The following HNRNPUL1 variants were observed in gnomAD, a reference collection of about 807,000 sequenced individuals.
HNRNPUL1 encodes heterogeneous nuclear ribonucleoprotein U-like protein 1.
In HNRNPUL1, 14 loss-of-function variants were observed where a neutral mutation model predicts 108.5. That is an observed-to-expected ratio of 0.13 (90% confidence interval 0.09 to 0.20). The LOEUF is 0.20. HNRNPUL1 is among the 10% of genes least tolerant of loss of function. HNRNPUL1 has a pLI of 1.00. For missense variants in HNRNPUL1, 804 were observed against 1,168.3 expected, an observed-to-expected ratio of 0.69 and a Z score of 4.55; for synonymous variants, 422 against 445.2, an observed-to-expected ratio of 0.95 and a Z score of 0.66.
chr19:41,271,649 TC>T (rs1046996090), intron 2 of HNRNPUL1, among the ~76,000 whole-genome samples: 3 of 152,256 alleles, frequency 2.0e-5, no homozygotes, highest in African/African-American at 7.2e-5. Context: ...ATCCTGACTT[TC>T]TGTTAATGGT....
chr19:41,265,292 G>A (rs2034757368), intron 1 of HNRNPUL1: 1 of 1,522,712 alleles, frequency 6.6e-7, no homozygotes, highest in African/African-American at 1.4e-5. Context: ...TCTGAGGAAG[G>A]AGGATCCTGG....
rs971994634 is a variant in HNRNPUL1 at position 41,292,935 on chromosome 19, T to G, written c.1266+424T>G. ...TCACGGCTTACTGCAGCCTTGACCTTCCAGGCTCAAGTGATCCTCCCACCT... is the reference window on the plus strand; with the variant it reads ...TCACGGCTTACTGCAGCCTTGACCTGCCAGGCTCAAGTGATCCTCCCACCT... On this transcript the variant is annotated intron_variant, in intron 8 of 14. Transcript: ENST00000392006. This position sits in a 1 kb window ranked among gnomAD's most constrained non-coding sequence, Gnocchi z 4.1. Among the ~76,000 whole-genome samples the G allele has an allele frequency of 9.9e-5, 15 of 152,094 alleles. No individual in the cohort carries two copies. The highest frequency in any genetic ancestry group is 3.6e-4 in the African/African-American group (15 of 41,490).
At chr19:41,263,650 T>A (rs1317952389), upstream of HNRNPUL1, among the ~76,000 whole-genome samples, 4 of 152,250 alleles carry the variant, frequency 2.6e-5, no homozygotes, top group African/African-American at 9.6e-5. Flanking sequence ...CCTTCCAGAT[T>A]ACGAACTGTG....
intron 4 of HNRNPUL1, 79 bp downstream of exon 4, chr19:41,274,134 C>A: frequency 7.0e-6 from 8 of 1,140,068 alleles, no homozygotes; most frequent in Non-Finnish European, 6.7e-6. Flanking sequence ...CACCAGAATC[C>A]CTGCTGGGCA....
In HNRNPUL1 at chr19:41,276,136, A is replaced by G. The variant is rs777092056; in HGVS notation, c.647-23A>G. On this transcript the variant is annotated intron_variant, in intron 4 of 14. Coordinates refer to ENST00000392006, the MANE Select transcript of HNRNPUL1 (RefSeq NM_007040.6). ...CAAAACAAAATAAAAACATCAGCCA[A>G]CTGTGGGCATTTTCCTTCACAGATA... 1.1e-4 allele frequency: 170 copies of G among 1,613,756 alleles called. 1 individual carries two copies. The Middle Eastern group carries it at 2.1e-3, about 20-fold the overall frequency.
chr19:41,271,780 C>T (rs919466734), intron 2 of HNRNPUL1, among the ~76,000 whole-genome samples: 2 of 152,202 alleles, frequency 1.3e-5, no homozygotes, highest in South Asian at 4.1e-4. Flanking sequence ...CTGTTGAATT[C>T]ATCCTCTCCC....
rs780709153 is a variant in HNRNPUL1, at chr19:41,281,274, C to T, written c.998C>T (p.Ala333Val). The T allele has an allele frequency of 8.7e-6, 14 of 1,604,752 alleles. No homozygotes were observed. Among genetic ancestry groups the T allele is most frequent in the East Asian group, 6.7e-5 (3 of 44,822 alleles). Residue 333 changes from alanine (A) to valine (V), a missense_variant and splice_region_variant, in exon 7 of 15, where the codon GCG becomes GTG. By Grantham distance (64) the Ala-to-Val change is moderately conservative. Around this residue, in one of 4 missense-constraint regions of HNRNPUL1, gnomAD observed 174 missense variants for 296.6 expected, o/e 0.59. Transcript: ENST00000392006. The stretch of plus-strand genomic sequence containing the variant: ...GAGAACGATGTGATTGGCTGCTTTG[C>T]GGTGAGTGCTAGCAGCCTGTGGGAG... ...FAENDVIGCF[A>V]DFECGNDVEL...
At position 41,292,596 on chromosome 19, in the gene HNRNPUL1, C is replaced by A; in HGVS notation, c.1266+85C>A. 2.6e-6 allele frequency: 4 copies of A among 1,510,888 alleles called. No homozygotes were observed. Among genetic ancestry groups the A allele is most frequent in the Non-Finnish European group, 3.6e-6 (4 of 1,099,378 alleles). The allele number at this position is 1,510,888 out of a possible 1,614,324, so 93.6% of individuals were successfully genotyped here. On this transcript the variant is annotated intron_variant, in intron 8 of 14. Coordinates refer to ENST00000392006, the MANE Select transcript of HNRNPUL1 (RefSeq NM_007040.6). This position sits in a 1 kb window ranked among gnomAD's most constrained non-coding sequence, Gnocchi z 4.1. ...CACACACACACACACAGACTTGCTGCGAGAGTAGCCTTGGGGCAAGTGGCC... is the reference window on the plus strand; with the variant it reads ...CACACACACACACACAGACTTGCTGAGAGAGTAGCCTTGGGGCAAGTGGCC...
chr19:41,294,502 A>G lies in HNRNPUL1; in HGVS notation c.1389+42A>G. The stretch of plus-strand genomic sequence containing the variant: ...GACTCTCCTTACTCACCTCCAACCT[A>G]CTGAGTGCTGCCCTGCAACTAAAAT... On this transcript the variant is annotated intron_variant, in intron 9 of 14. Transcript: ENST00000392006. The surrounding 1 kb of genome is among the most constrained non-coding windows in gnomAD (Gnocchi z 4.3). 6.2e-7 allele frequency: 1 copy of G among 1,613,868 alleles called. No homozygotes were observed. The highest frequency in any genetic ancestry group is 8.5e-7 in the Non-Finnish European group (1 of 1,179,856).
In HNRNPUL1 at chr19:41,294,185, C is replaced by T. The variant is rs2036753499; in HGVS notation, c.1267-153C>T. Among the ~76,000 whole-genome samples the T allele has an allele frequency of 6.6e-6, 1 of 152,052 alleles. No homozygotes were observed. The highest frequency in any genetic ancestry group is 2.1e-4 in the South Asian group (1 of 4,820). On this transcript the variant is annotated intron_variant, in intron 8 of 14. Coordinates refer to ENST00000392006, the MANE Select transcript of HNRNPUL1 (RefSeq NM_007040.6). This position sits in a 1 kb window ranked among gnomAD's most constrained non-coding sequence, Gnocchi z 4.3. Reference sequence around the variant, plus strand: ...CTGACAAGCCTGATCTTTTTGAATCCCGATACCAGTACTGTGAGGTAGATG... The same window carrying T: ...CTGACAAGCCTGATCTTTTTGAATCTCGATACCAGTACTGTGAGGTAGATG...
chr19:41,305,932 TC>T, intron 14 of HNRNPUL1, 65 bp downstream of exon 14: 1 of 1,138,850 alleles, frequency 8.8e-7, no homozygotes, highest in Non-Finnish European at 1.3e-6. Context: ...GGGTGTGTAT[TC>T]CCAGACTTAA....
chr19:41,302,386 T>A, intron 11 of HNRNPUL1: 2 of 422,448 alleles, frequency 4.7e-6, no homozygotes, highest in Non-Finnish European at 4.5e-6. Flanking sequence ...GCCTGGCTAA[T>A]TTTTGTATTT....
At chr19:41,300,626 A>C (rs930697388) in intron 10 of HNRNPUL1, among the ~76,000 whole-genome samples, 2 of 152,172 alleles carry the variant, frequency 1.3e-5, no homozygotes, top group African/African-American at 4.8e-5. Context: ...AATCCAACAG[A>C]GGTAGGCCCC....
intron 5 of HNRNPUL1, 27 bp from the exon 6 acceptor site, chr19:41,279,050 C>G (rs763884615): frequency 6.4e-7 from 1 of 1,569,304 alleles, no homozygotes; most frequent in African/African-American, 1.4e-5. Context: ...AGAAGCAACC[C>G]TGAGCCCTTT....
chr19:41,263,395 G>C (rs2034615684), upstream of HNRNPUL1, among the ~76,000 whole-genome samples: 1 of 152,196 alleles, frequency 6.6e-6, no homozygotes, highest in Non-Finnish European at 1.5e-5. Context: ...GCCGATTAGA[G>C]GATTCGGGAG....
chr19:41,263,909 G>C (rs983078299), upstream of HNRNPUL1, among the ~76,000 whole-genome samples: 12 of 152,152 alleles, frequency 7.9e-5, no homozygotes, highest in African/African-American at 2.9e-4. Context: ...GGTTTCTGCC[G>C]ACCCTCCATT....
intron 7 of HNRNPUL1, among the ~76,000 whole-genome samples, chr19:41,288,856 A>C (rs756771079): frequency 6.6e-6 from 1 of 151,918 alleles, no homozygotes; most frequent in African/African-American, 2.4e-5. Context: ...TTGTAGCCCC[A>C]CATATGGATC....
intron 2 of HNRNPUL1, among the ~76,000 whole-genome samples, chr19:41,270,902 C>T (rs2035194022): frequency 1.3e-5 from 2 of 152,086 alleles, no homozygotes; most frequent in African/African-American, 2.4e-5. Context: ...GCCTCTCCTC[C>T]CCATTTTATA....
chr19:41,275,893 G>C (rs952735945), intron 4 of HNRNPUL1, among the ~76,000 whole-genome samples: 1 of 152,016 alleles, frequency 6.6e-6, no homozygotes, highest in African/African-American at 2.4e-5. Context: ...ACCTGAGGTC[G>C]GGAGTTCGAG....
Sources: allele counts gnomAD v4.1 joint callset (sites outside exome capture counted in the v4.1 genomes callset), GRCh38; gene constraint gnomAD v4.1.1; regional missense constraint gnomAD v4.1.1; non-coding constraint Gnocchi (gnomAD v3.1); transcripts MANE v1.5; gene names NCBI Gene and HGNC (gene_info 2026-07-23, HGNC 2026-07-21).